The following AHCY variants were observed in gnomAD, a reference collection of about 807,000 sequenced individuals.
AHCY encodes S-adenosyl-L-homocysteine hydrolase.
In AHCY, 24 loss-of-function variants were observed where a neutral mutation model predicts 45.4. The observed-to-expected ratio is 0.53, with a 90% confidence interval of 0.38 to 0.74. The LOEUF (loss-of-function observed/expected upper bound fraction) is 0.74. Ranked by LOEUF, AHCY falls within the 30% of genes least tolerant of loss-of-function variation. The pLI is 0.00. For synonymous variants in AHCY, 245 were observed against 235.1 expected (o/e 1.04, Z -0.39); for missense variants, 449 against 594.1 (o/e 0.76, Z 2.54).
the AHCY span, among the ~76,000 whole-genome samples, chr20:34,258,979 G>A: frequency 1.4e-5 from 2 of 145,468 alleles, no homozygotes; most frequent in Non-Finnish European, 3.0e-5. Context: ...TAGGTGGGAG[G>A]ATCACTTGAG....
At chr20:34,301,450 C>T (rs2036768877) in intron 1 of AHCY, among the ~76,000 whole-genome samples, 1 of 152,224 alleles carries the variant, frequency 6.6e-6, no homozygotes, top group Non-Finnish European at 1.5e-5. Flanking sequence ...GTCACAGGAA[C>T]ACCTGTCCCC....
At chr20:34,289,704 C>A (rs2036308304) in intron 8 of AHCY, among the ~76,000 whole-genome samples, 1 of 151,624 alleles carries the variant, frequency 6.6e-6, no homozygotes, top group South Asian at 2.1e-4. Context: ...TCTCGAACCC[C>A]TGACCTCATG....
At chr20:34,258,106 T>G in the AHCY span, among the ~76,000 whole-genome samples, 1 of 151,368 alleles carries the variant, frequency 6.6e-6, no homozygotes, top group Non-Finnish European at 1.5e-5. Context: ...ATCGCACCAC[T>G]GCACTCCATC....
chr20:34,237,350 A>G, the AHCY span, among the ~76,000 whole-genome samples: 1 of 152,132 alleles, frequency 6.6e-6, no homozygotes, highest in Admixed American at 6.5e-5. Flanking sequence ...TTCTTTCAGC[A>G]ATGTTCTATA....
chr20:34,235,591 C>T, the AHCY span, among the ~76,000 whole-genome samples: 1 of 151,946 alleles, frequency 6.6e-6, no homozygotes, highest in Non-Finnish European at 1.5e-5. Flanking sequence ...CGATAACAAT[C>T]ATGGCCAAAA....
At chr20:34,261,244 T>C in the AHCY span, among the ~76,000 whole-genome samples, 185 of 152,270 alleles carry the variant, frequency 1.2e-3, 10 homozygotes, top group South Asian at 0.037. Context: ...ACACCTGTAA[T>C]CCCAGCACTT....
chr20:34,235,899 A>AAGGAAGGAGGAGGGAGGGAAGAATG, the AHCY span, among the ~76,000 whole-genome samples: 2 of 64,626 alleles, frequency 3.1e-5, 1 homozygote, highest in African/African-American at 5.0e-4. Flanking sequence ...GGAAGGAAGG[A>AAGGAAGGAGGAGGGAGGGAAGAATG]AAGGAAGGAA....
intron 9 of AHCY, among the ~76,000 whole-genome samples, chr20:34,283,241 C>A (rs1398725953): frequency 6.6e-6 from 1 of 152,106 alleles, no homozygotes; most frequent in Non-Finnish European, 1.5e-5. Context: ...CTAAGGTCAA[C>A]ACCTTGGACA....
chr20:34,242,510 G>C, the AHCY span, among the ~76,000 whole-genome samples: 1 of 152,206 alleles, frequency 6.6e-6, no homozygotes, highest in Non-Finnish European at 1.5e-5. Flanking sequence ...TGGGATTACA[G>C]GCGTGAGCCA....
chr20:34,268,129 GA>G, the AHCY span, among the ~76,000 whole-genome samples: 1 of 152,070 alleles, frequency 6.6e-6, no homozygotes, highest in Non-Finnish European at 1.5e-5. Context: ...AATTAAATTT[GA>G]AAATTCAGTT....
At chr20:34,234,945 C>G in the AHCY span, 1 of 152,184 alleles carries the variant, frequency 6.6e-6, no homozygotes, top group South Asian at 2.1e-4. Context: ...TTGATTTAAT[C>G]TTGTGTTGTT....
upstream of AHCY, among the ~76,000 whole-genome samples, chr20:34,305,831 C>T (rs984555949): frequency 6.6e-6 from 1 of 152,000 alleles, no homozygotes; most frequent in Non-Finnish European, 1.5e-5. Context: ...ACCTGTAATC[C>T]CAGCACTTTG....
downstream of AHCY, among the ~76,000 whole-genome samples, chr20:34,278,519 TAGA>T (rs1316952916): frequency 1.3e-5 from 2 of 152,122 alleles, no homozygotes; most frequent in Admixed American, 6.6e-5. Context: ...GCCACCCCAG[TAGA>T]AGAACTGAGG....
rs78150651 is a variant in AHCY, at chr20:34,295,578, G to A, written c.36C>T (p.Ile12=). The A allele has an allele frequency of 1.7e-4, 280 of 1,614,032 alleles. No individual in the cohort carries two copies. The highest frequency in any genetic ancestry group is 2.2e-4 in the Non-Finnish European group (257 of 1,179,980). The change falls in exon 2 of 10, where the codon ATC becomes ATT. Residue 12 remains isoleucine, a synonymous_variant. Coordinates refer to ENST00000217426, the MANE Select transcript of AHCY (RefSeq NM_000687.4). The stretch of plus-strand genomic sequence containing the variant: ...CCTTGCGTCCCCAGGCAGCCAGGCC[G>A]ATGTCGGCTACGGGAGGAAACAGGT... The part of the protein sequence containing the change: ...SDKLPYKVAD[I]GLAAWGRKAL...
intron 1 of AHCY, chr20:34,302,997 C>T (rs1190985090): frequency 2.0e-6 from 2 of 985,352 alleles, no homozygotes; most frequent in South Asian, 4.7e-5. Flanking sequence ...TTGCGGCTCG[C>T]AGACCGCGCG....
chr20:34,268,855 G>A, the AHCY span: 123 of 1,039,182 alleles, frequency 1.2e-4, no homozygotes, highest in African/African-American at 1.8e-3. Context: ...CTGGGGGAGC[G>A]GGCGGTGGGC....
the AHCY span, among the ~76,000 whole-genome samples, chr20:34,256,643 T>G: frequency 6.6e-6 from 1 of 152,160 alleles, no homozygotes; most frequent in African/African-American, 2.4e-5. Context: ...CTCACTTCTT[T>G]GTAGAAATTC....
the AHCY span, among the ~76,000 whole-genome samples, chr20:34,255,267 C>T: frequency 2.0e-5 from 3 of 152,296 alleles, no homozygotes; most frequent in East Asian, 1.9e-4. Context: ...TCAGCCCCCT[C>T]GTTCTCAATC....
intron 1 of AHCY, among the ~76,000 whole-genome samples, chr20:34,310,955 A>G (rs1175823934): frequency 6.6e-6 from 1 of 151,676 alleles, no homozygotes; most frequent in Non-Finnish European, 1.5e-5. Context: ...GCGAAATCCC[A>G]TCTCTACTAA....
Sources: gnomAD v4.1 joint callset for allele counts (sites outside exome capture counted in the v4.1 genomes callset) on GRCh38, gnomAD v4.1.1 for gene constraint, MANE v1.5 for transcripts, NCBI Gene and HGNC (gene_info 2026-07-23, HGNC 2026-07-21) for gene names.